PIEZO2: variants seen among roughly 807,000 people sequenced by gnomAD.
The protein encoded by PIEZO2 is piezo-type mechanosensitive ion channel component 2.
Under a neutral mutation model 337.3 loss-of-function variants are expected in PIEZO2, and 172 were observed. That is an observed-to-expected ratio of 0.51 (90% CI 0.45 to 0.58). The LOEUF is 0.58. Ranked by LOEUF, PIEZO2 falls within the 20% of genes least tolerant of loss-of-function variation. PIEZO2 has a pLI of 0.00. For missense variants in PIEZO2, 3,028 were observed against 3,391.3 expected, an observed-to-expected ratio of 0.89 and a Z score of 2.66; for synonymous variants, 1,251 against 1,228.5, an observed-to-expected ratio of 1.02 and a Z score of -0.38.
chr18:10,791,420 G>T (rs893485982), intron 13 of PIEZO2, 96 bp from the exon 14 acceptor site: 1 of 1,307,092 alleles, frequency 7.7e-7, no homozygotes, highest in Non-Finnish European at 1.0e-6. Context: ...TCCAGTGGGA[G>T]CACAATAAAT....
intron 4 of PIEZO2, among the ~76,000 whole-genome samples, chr18:10,874,441 A>G (rs529102943): frequency 6.6e-6 from 1 of 152,302 alleles, no homozygotes; most frequent in Non-Finnish European, 1.5e-5. Context: ...CTACCATATG[A>G]TCCAGCAATC....
intron 4 of PIEZO2, among the ~76,000 whole-genome samples, chr18:10,886,042 G>A (rs965691525): frequency 2.0e-5 from 3 of 151,752 alleles, no homozygotes; most frequent in African/African-American, 7.3e-5. Context: ...AAGAGAATGT[G>A]TAAATAGGAC....
At chr18:10,728,972 A>C (rs1301987656) in intron 36 of PIEZO2, among the ~76,000 whole-genome samples, 2 of 148,156 alleles carry the variant, frequency 1.3e-5, no homozygotes, top group African/African-American at 2.5e-5. Context: ...AAAAAAAAAA[A>C]AACAAAAACC....
intron 2 of PIEZO2, among the ~76,000 whole-genome samples, chr18:10,990,303 TGAG>T (rs1170074027): frequency 6.6e-6 from 1 of 152,160 alleles, no homozygotes; most frequent in African/African-American, 2.4e-5. Context: ...TAATTTCATA[TGAG>T]GAGATGGGAA....
At chr18:11,064,555 T>C (rs898916100) in intron 2 of PIEZO2, among the ~76,000 whole-genome samples, 5 of 152,234 alleles carry the variant, frequency 3.3e-5, no homozygotes, top group African/African-American at 1.2e-4. Flanking sequence ...ATGATGTCCC[T>C]GATAGTGTCA....
chr18:10,825,875 G>A (rs900031329), intron 7 of PIEZO2, among the ~76,000 whole-genome samples: 2 of 151,972 alleles, frequency 1.3e-5, no homozygotes, highest in Non-Finnish European at 2.9e-5. Context: ...TCTATATTTT[G>A]GAAAGAAGTC....
chr18:10,681,705 G>T lies in PIEZO2; in HGVS notation c.7735C>A (p.Gln2579Lys), dbSNP rs2034272054. Residue 2579 changes from glutamine (Q) to lysine (K), a missense_variant, in exon 51 of 56, where the codon CAG becomes AAG. Gln to Lys is a moderately conservative substitution (Grantham distance 53, BLOSUM62 1). Around this residue, in one of 5 missense-constraint regions of PIEZO2, gnomAD observed 332 missense variants for 363.8 expected, o/e 0.91. Transcript: ENST00000674853. Reference sequence around the variant, plus strand: ...TGTATAAATTTGTTAAAGCTCTGCTGGTCCATAACTTTCAACTGGCTTTGT... The same window carrying T: ...TGTATAAATTTGTTAAAGCTCTGCTTGTCCATAACTTTCAACTGGCTTTGT... ...AQQSQLKVMD[Q>K]QSFNKFIQAF... 6.2e-7 allele frequency: 1 copy of T among 1,611,474 alleles called. No individual in the cohort carries two copies. The highest frequency in any genetic ancestry group is 1.3e-5 in the African/African-American group (1 of 74,832).
rs1460111257 is a variant in PIEZO2 at position 10,731,507 on chromosome 18, G to A, written c.4929C>T (p.Ala1643=). 6 of 1,525,622 alleles carry A rather than the reference G, an allele frequency of 3.9e-6. No individual in the cohort carries two copies. Among genetic ancestry groups the A allele is most frequent in the Non-Finnish European group, 4.4e-6 (5 of 1,141,284 alleles). 94.5% of individuals were successfully genotyped at this position (1,525,622 alleles called of 1,614,324 possible). ...GTGCTGTTTTAGGATCAGTAATCCA[G>A]GCTTGATAAACAAACTGAAGGGAGA... ...LIRAAKFVYQ[A]WITDPKTALR... is the part of the protein sequence containing the mutation. The change falls in exon 36 of 56, where the codon GCC becomes GCT. Residue 1643 remains alanine (A), a synonymous_variant. Transcript: ENST00000674853.
chr18:11,042,668 G>A (rs1311045541), intron 2 of PIEZO2, among the ~76,000 whole-genome samples: 1 of 152,212 alleles, frequency 6.6e-6, no homozygotes, highest in Non-Finnish European at 1.5e-5. Flanking sequence ...GTGCCTGAGA[G>A]GAGGCTACCC....
In PIEZO2 at chr18:11,116,636, A is replaced by C. The variant is rs915778084; in HGVS notation, c.64+31889T>G. On this transcript the variant is annotated intron_variant, in intron 1 of 55. Coordinates refer to ENST00000674853, the MANE Select transcript of PIEZO2 (RefSeq NM_001378183.1). This position sits in a 1 kb window ranked among gnomAD's most constrained non-coding sequence, Gnocchi z 5.0. Reference sequence around the variant, plus strand: ...GAGGCTGAGGCAGGAGAATGGCGTGAACCCGGGAGGCGTAGCTTGCAGTGA... The same window carrying C: ...GAGGCTGAGGCAGGAGAATGGCGTGCACCCGGGAGGCGTAGCTTGCAGTGA... Among the ~76,000 whole-genome samples the C allele has an allele frequency of 6.6e-6, 1 of 152,050 alleles. No homozygotes were observed. The highest frequency in any genetic ancestry group is 2.4e-5 in the African/African-American group (1 of 41,390).
At chr18:10,762,173 TA>T (rs2038162750) in intron 23 of PIEZO2, among the ~76,000 whole-genome samples, 1 of 152,224 alleles carries the variant, frequency 6.6e-6, no homozygotes, top group African/African-American at 2.4e-5. Context: ...ATTTGCTTTT[TA>T]AAAATCTTAC....
intron 3 of PIEZO2, among the ~76,000 whole-genome samples, chr18:10,935,886 C>T (rs901619737): frequency 1.3e-5 from 2 of 152,224 alleles, no homozygotes; most frequent in Non-Finnish European, 2.9e-5. Flanking sequence ...CCCACATTTA[C>T]TTGGAAGGAC....
chr18:11,043,860 CAG>C (rs1350396747), intron 2 of PIEZO2, among the ~76,000 whole-genome samples: 1 of 151,874 alleles, frequency 6.6e-6, no homozygotes, highest in Non-Finnish European at 1.5e-5. Context: ...TTAGTAGAGA[CAG>C]GGGGTTTCGT....
intron 41 of PIEZO2, among the ~76,000 whole-genome samples, 166 bp from the exon 42 acceptor site, chr18:10,704,818 G>A (rs1333565089): frequency 6.6e-6 from 1 of 152,070 alleles, no homozygotes; most frequent in African/African-American, 2.4e-5. Flanking sequence ...CTGAGTACCT[G>A]GGATTACAGG....
intron 21 of PIEZO2, among the ~76,000 whole-genome samples, chr18:10,765,222 G>C (rs2038302363): frequency 1.3e-5 from 2 of 152,234 alleles, no homozygotes; most frequent in Admixed American, 1.3e-4. Flanking sequence ...GAGTTAGACA[G>C]GCAGAAGAAA....
Position 10,903,565 on chromosome 18 carries a change from G to A in PIEZO2, c.329+7621C>T, listed in dbSNP as rs2043102791. Among the ~76,000 whole-genome samples, 1 of 152,086 alleles carries A rather than the reference G, an allele frequency of 6.6e-6. No homozygotes were observed. Among genetic ancestry groups the A allele is most frequent in the South Asian group, 2.1e-4 (1 of 4,830 alleles). ...CGCTCCTGTAGTCCCAGCTACTTGG[G>A]AGGCTGAGGCAGGAGAATGGCATGA... On this transcript the variant is annotated intron_variant, in intron 4 of 55. Transcript: ENST00000674853. This position sits in a 1 kb window ranked among gnomAD's most constrained non-coding sequence, Gnocchi z 4.1.
chr18:11,029,736 C>T (rs1377802453), intron 2 of PIEZO2, among the ~76,000 whole-genome samples: 1 of 151,954 alleles, frequency 6.6e-6, no homozygotes, highest in Non-Finnish European at 1.5e-5. Flanking sequence ...GCCTTGAGGA[C>T]CCCTCTCCCT....
chr18:10,893,222 TA>T (rs1192862891), intron 4 of PIEZO2, among the ~76,000 whole-genome samples: 2 of 152,176 alleles, frequency 1.3e-5, no homozygotes, highest in African/African-American at 2.4e-5. Flanking sequence ...TTTTATAAAT[TA>T]AAAAAATAAT....
chr18:11,009,977 C>T lies in PIEZO2; in HGVS notation c.161-30317G>A, dbSNP rs528892714. 6.6e-6 allele frequency among the ~76,000 whole-genome samples: 1 copy of T among 152,274 alleles called. No individual in the cohort carries two copies. The highest frequency in any genetic ancestry group is 2.4e-5 in the African/African-American group (1 of 41,548). ...TCCAGAATGGTGAGATAATAAACGT[C>T]TGCTGTTGAAGCCACTCAGTTGATG... On this transcript the variant is annotated intron_variant, in intron 2 of 55. Transcript: ENST00000674853. This position sits in a 1 kb window ranked among gnomAD's most constrained non-coding sequence, Gnocchi z 4.6.
Sources: gnomAD v4.1 joint callset for allele counts (sites outside exome capture counted in the v4.1 genomes callset) on GRCh38, gnomAD v4.1.1 for gene constraint, gnomAD v4.1.1 regional missense constraint, Gnocchi (gnomAD v3.1) non-coding constraint, MANE v1.5 for transcripts, NCBI Gene and HGNC (gene_info 2026-07-23, HGNC 2026-07-21) for gene names.